The following NAPB variants were observed in gnomAD, a reference collection of about 807,000 sequenced individuals.
NAPB encodes beta-soluble NSF attachment protein.
A neutral mutation model predicts 44.7 loss-of-function variants in NAPB; 26 were observed. That is an observed-to-expected ratio of 0.58 (90% CI 0.43 to 0.81). NAPB has a LOEUF of 0.81. Ranked by LOEUF, NAPB falls within the 30% of genes least tolerant of loss-of-function variation. NAPB has a pLI of 0.00. For missense variants in NAPB, 315 were observed against 356.4 expected (o/e 0.88, Z 0.94); for synonymous variants, 120 against 116.8 (o/e 1.03, Z -0.18).
intron 1 of NAPB, among the ~76,000 whole-genome samples, chr20:23,413,718 C>A (rs1432823294): frequency 6.6e-6 from 1 of 151,994 alleles, no homozygotes; most frequent in Non-Finnish European, 1.5e-5. Flanking sequence ...TTTTTTAAAA[C>A]TTAGATAAAA....
At chr20:23,384,829 C>T (rs1983345297) in intron 7 of NAPB, among the ~76,000 whole-genome samples, 1 of 152,058 alleles carries the variant, frequency 6.6e-6, no homozygotes, top group Admixed American at 6.5e-5. Flanking sequence ...GATTAAAAAA[C>T]AGGATCCAGG....
Position 23,377,300 on chromosome 20 carries a change from G to A in NAPB, c.*76C>T. ...GCAACAAAATTAAGCCATTAAATAG[G>A]CATCCCATAAAGATCACTTGACCCT... On this transcript the variant is annotated 3_prime_UTR_variant, in exon 11 of 11. Coordinates refer to ENST00000377026, the MANE Select transcript of NAPB (RefSeq NM_022080.3). The A allele has an allele frequency of 2.3e-6, 2 of 857,306 alleles. No individual in the cohort carries two copies. Among genetic ancestry groups the A allele is most frequent in the Non-Finnish European group, 3.6e-6 (2 of 563,208 alleles). 53.1% of individuals were successfully genotyped at this position (857,306 alleles called of 1,614,324 possible).
chr20:23,402,964 TA>T lies in NAPB; in HGVS notation c.178+28del, dbSNP rs746754357. The T allele has an allele frequency of 4.1e-5, 65 of 1,580,704 alleles. 1 individual carries two copies. In the South Asian group the frequency reaches 7.1e-4, roughly 17 times the overall value. On this transcript the variant is annotated intron_variant, in intron 2 of 10. Transcript: ENST00000377026. Reference sequence around the variant, plus strand: ...TCAAAGTGATTTTAAACCATTTGCCTAAAAAGCAAACAAAAACTTTGTACAT... The same window carrying T: ...TCAAAGTGATTTTAAACCATTTGCCTAAAAGCAAACAAAAACTTTGTACAT...
Position 23,421,326 on chromosome 20 carries a change from G to C in NAPB, c.77C>G (p.Ser26Cys). 3 of 1,563,778 alleles carry C rather than the reference G, an allele frequency of 1.9e-6. No homozygotes were observed. Among genetic ancestry groups the C allele is most frequent in the Non-Finnish European group, 1.7e-6 (2 of 1,153,868 alleles). Residue 26 changes from serine to cysteine, a missense_variant, in exon 1 of 11, where the codon TCC becomes TGC. By Grantham distance (112) the Ser-to-Cys change is moderately radical (BLOSUM62 -1). Transcript: ENST00000377026. ...TCACCCAAACAGCCCTCGGAGGAAGGAGTGGGAGGCCTTGACTCGCTTCTC... is the reference window on the plus strand; with the variant it reads ...TCACCCAAACAGCCCTCGGAGGAAGCAGTGGGAGGCCTTGACTCGCTTCTC... ...EAEKRVKASHSFLRGLFGGNT... is the reference protein window; with the variant it reads ...EAEKRVKASHCFLRGLFGGNT...
Position 23,384,839 on chromosome 20 carries a change from G to C in NAPB, c.562-3522C>G, listed in dbSNP as rs1301925260. Among the ~76,000 whole-genome samples the C allele has an allele frequency of 9.2e-5, 14 of 152,278 alleles. No individual in the cohort carries two copies. The East Asian group carries it at 2.7e-3, about 29-fold the overall frequency. On this transcript the variant is annotated intron_variant, in intron 7 of 10. Transcript: ENST00000377026. ...CAGTGGATTAAAAAACAGGATCCAG[G>C]CTGGCTGTGGTGGATCATGCCTGCA...
Position 23,399,975 on chromosome 20 carries a change from C to T in NAPB, c.179-2787G>A, listed in dbSNP as rs1984705211. Among the ~76,000 whole-genome samples the T allele has an allele frequency of 2.6e-5, 4 of 152,136 alleles. No homozygotes were observed. In the South Asian group the frequency reaches 6.2e-4, roughly 24 times the overall value. The stretch of plus-strand genomic sequence containing the variant: ...TTTTACAATCTACATCCTTGCTCTC[C>T]TGCTGGCATTTCATTTTTGATAACT... On this transcript the variant is annotated intron_variant, in intron 2 of 10. Coordinates refer to ENST00000377026, the MANE Select transcript of NAPB (RefSeq NM_022080.3).
chr20:23,401,244 C>G (rs1383368478), intron 2 of NAPB, among the ~76,000 whole-genome samples: 2 of 152,158 alleles, frequency 1.3e-5, no homozygotes, highest in Admixed American at 1.3e-4. Context: ...AATGATATGA[C>G]CTTACTTAAC....
intron 8 of NAPB, chr20:23,380,776 T>TG (rs966743089): frequency 6.5e-6 from 1 of 153,426 alleles, no homozygotes; most frequent in African/African-American, 2.4e-5. Flanking sequence ...CCACCCCACT[T>TG]GGCCTCCCAA....
intron 2 of NAPB, among the ~76,000 whole-genome samples, chr20:23,400,245 G>T (rs1042616959): frequency 6.6e-6 from 1 of 152,170 alleles, no homozygotes; most frequent in Non-Finnish European, 1.5e-5. Flanking sequence ...GTGTTGGGCC[G>T]GGCACAGTGG....
rs79481339 is a variant in NAPB at position 23,394,262 on chromosome 20, G to A, written c.420+660C>T. On this transcript the variant is annotated intron_variant, in intron 5 of 10. Transcript: ENST00000377026. ...AGACCGGTTTGAAGGATCCTGCAGC[G>A]ATCAAGTGTGAGCTGAGAGACAAGG... is the stretch of plus-strand genomic sequence containing the variant. Among the ~76,000 whole-genome samples, 936 of 152,266 alleles carry A rather than the reference G, an allele frequency of 6.1e-3. 23 individuals are homozygous for A. The East Asian group carries it at 0.093, about 15-fold the overall frequency.
chr20:23,386,929 T>C lies in NAPB; in HGVS notation c.561+3017A>G, dbSNP rs562893723. On this transcript the variant is annotated intron_variant, in intron 7 of 10. Transcript: ENST00000377026. Reference sequence around the variant, plus strand: ...TGTTCTTGGGAAACCCCTCAAAGTTTGCAATGACCAAGTAGAATTTATTCC... The same window carrying C: ...TGTTCTTGGGAAACCCCTCAAAGTTCGCAATGACCAAGTAGAATTTATTCC... Among the ~76,000 whole-genome samples, 11 of 152,320 alleles carry C rather than the reference T, an allele frequency of 7.2e-5. No individual in the cohort carries two copies. In the South Asian group the frequency reaches 2.3e-3, roughly 32 times the overall value.
chr20:23,387,449 T>C (rs1223636136), intron 7 of NAPB, among the ~76,000 whole-genome samples: 2 of 152,086 alleles, frequency 1.3e-5, no homozygotes, highest in East Asian at 1.9e-4. Context: ...AGTAAAACTA[T>C]TGTTATTTGC....
At chr20:23,378,157 CAAA>C (rs35687678) in intron 10 of NAPB, among the ~76,000 whole-genome samples, 5 of 120,054 alleles carry the variant, frequency 4.2e-5, no homozygotes, top group Non-Finnish European at 5.3e-5. Context: ...ACAAAAAATG[CAAA>C]AAAAAAAAAA....
intron 7 of NAPB, among the ~76,000 whole-genome samples, chr20:23,383,156 CAAAAAAAAAA>C (rs34238446): frequency 2.6e-5 from 2 of 76,744 alleles, no homozygotes; most frequent in African/African-American, 5.3e-5. Context: ...GACTCGGTCT[CAAAAAAAAAA>C]AAAAAAAAAA....
intron 1 of NAPB, among the ~76,000 whole-genome samples, chr20:23,405,284 G>A (rs1985155183): frequency 7.6e-6 from 1 of 131,436 alleles, no homozygotes; most frequent in African/African-American, 2.8e-5. Context: ...TTGTCAAGAA[G>A]AAAAGAAAGA....
At chr20:23,397,299 T>A in intron 2 of NAPB, 111 bp from the exon 3 acceptor site, 1 of 1,319,096 alleles carries the variant, frequency 7.6e-7, no homozygotes, top group Non-Finnish European at 1.0e-6. Context: ...AAAGAAGCAT[T>A]CTAGTCAGAA....
In NAPB at chr20:23,375,156, T is replaced by G. The variant is rs1271482102; in HGVS notation, c.*2220A>C. 3 of 152,176 alleles carry G rather than the reference T, an allele frequency of 2.0e-5. No individual in the cohort carries two copies. The highest frequency in any genetic ancestry group is 1.5e-5 in the Non-Finnish European group (1 of 68,040). The allele number at this position is 152,176 out of a possible 1,614,324, so 9.4% of individuals were successfully genotyped here. On this transcript the variant is annotated 3_prime_UTR_variant, in exon 11 of 11. Transcript: ENST00000377026. ...GGTCTCTTCTAGCCATTACAATTAC[T>G]TTGATTCTTTTCATGTGAAATATTA...
chr20:23,392,821 C>G (rs1484642491), intron 5 of NAPB, among the ~76,000 whole-genome samples: 1 of 151,806 alleles, frequency 6.6e-6, no homozygotes, highest in Admixed American at 6.6e-5. Flanking sequence ...CTGTACCTGG[C>G]CTTTTTTTTT....
intron 7 of NAPB, among the ~76,000 whole-genome samples, chr20:23,383,156 C>CAAAAA (rs34238446): frequency 7.8e-5 from 6 of 76,712 alleles, no homozygotes; most frequent in African/African-American, 1.1e-4. Flanking sequence ...GACTCGGTCT[C>CAAAAA]AAAAAAAAAA....
Sources: allele counts gnomAD v4.1 joint callset (sites outside exome capture counted in the v4.1 genomes callset), GRCh38; gene constraint gnomAD v4.1.1; transcripts MANE v1.5; gene names NCBI Gene and HGNC (gene_info 2026-07-23, HGNC 2026-07-21).